The following DENND1B variants were observed in gnomAD, a reference collection of about 807,000 sequenced individuals.
DENND1B encodes DENN domain-containing protein 1B.
In DENND1B, 59 loss-of-function variants were observed where a neutral mutation model predicts 90.1. The ratio of observed to expected loss-of-function variants is 0.65; its 90% CI spans 0.53 to 0.81. DENND1B has a LOEUF of 0.81. DENND1B is among the 40% of genes least tolerant of loss of function. DENND1B has a pLI of 0.00. For synonymous variants in DENND1B, 337 were observed against 324.6 expected (o/e 1.04, Z -0.41); for missense variants, 862 against 912.6 (o/e 0.94, Z 0.71).
chr1:197,617,410 T>C (rs953331125), intron 11 of DENND1B, among the ~76,000 whole-genome samples: 7 of 151,128 alleles, frequency 4.6e-5, no homozygotes, highest in Admixed American at 6.6e-5. Context: ...CTATTTTGCA[T>C]TGAGTTATCT....
chr1:197,667,123 A>T (rs1365956511), intron 5 of DENND1B, among the ~76,000 whole-genome samples: 1 of 149,306 alleles, frequency 6.7e-6, no homozygotes, highest in Non-Finnish European at 1.5e-5. Context: ...GCAGAGCGAG[A>T]CTCCATCTCA....
chr1:197,616,899 A>G (rs1379731246), intron 11 of DENND1B, among the ~76,000 whole-genome samples: 1 of 151,048 alleles, frequency 6.6e-6, no homozygotes, highest in Non-Finnish European at 1.5e-5. Flanking sequence ...TGATTATGCA[A>G]TGAAGATAAC....
chr1:197,512,815 A>G, intron 21 of DENND1B, 56 bp downstream of exon 21: 1 of 1,539,738 alleles, frequency 6.5e-7, no homozygotes, highest in Non-Finnish European at 8.9e-7. Context: ...TTTATCACCA[A>G]AAACTTCTGC....
At chr1:197,763,854 C>G (rs1480481498) in intron 2 of DENND1B, among the ~76,000 whole-genome samples, 6 of 152,174 alleles carry the variant, frequency 3.9e-5, no homozygotes, top group Non-Finnish European at 7.3e-5. Flanking sequence ...ACTACTCTTA[C>G]AATTATTGAC....
intron 20 of DENND1B, among the ~76,000 whole-genome samples, chr1:197,524,445 A>G (rs1668997943): frequency 1.3e-5 from 2 of 152,136 alleles, no homozygotes; most frequent in South Asian, 4.1e-4. Context: ...AAGTTCACAT[A>G]CCATCCAAGC....
At chr1:197,629,394 G>A (rs1489608292) in intron 10 of DENND1B, among the ~76,000 whole-genome samples, 1 of 151,952 alleles carries the variant, frequency 6.6e-6, no homozygotes, top group Non-Finnish European at 1.5e-5. Flanking sequence ...GGATGAAACT[G>A]GAAATCATGA....
rs150094527 is a variant in DENND1B at position 197,678,801 on chromosome 1, C to T, written c.127-4632G>A. ...AATATGCAGTGTTTGGTTTTCTAGT[C>T]CTGTGTTAAGTTTTCTGAGGATGAT... On this transcript the variant is annotated intron_variant, in intron 3 of 22. Transcript: ENST00000620048. 4.2e-3 allele frequency among the ~76,000 whole-genome samples: 638 copies of T among 152,156 alleles called. 5 individuals carry two copies. The highest frequency in any genetic ancestry group is 0.015 in the African/African-American group (611 of 41,532).
rs1558432941 is a variant in DENND1B, at chr1:197,713,814, T to TA, written c.126+1216dup. ...AATATTATTATATTATAATATATTATATATAATATATTATATATAATATAT... is the reference window on the plus strand; with the variant it reads ...AATATTATTATATTATAATATATTATAATATAATATATTATATATAATATAT... On this transcript the variant is annotated intron_variant, in intron 3 of 22. Coordinates refer to ENST00000620048, the MANE Select transcript of DENND1B (RefSeq NM_001195215.2). Among the ~76,000 whole-genome samples, 38 of 51,704 alleles carry TA rather than the reference T, an allele frequency of 7.3e-4. 1 individual carries two copies. Among genetic ancestry groups the TA allele is most frequent in the African/African-American group, 3.2e-3 (38 of 11,728 alleles). The allele number at this position is 51,704 out of a possible 152,430, so 33.9% of individuals were successfully genotyped here. A position where few individuals can be genotyped will look rare whatever the true frequency, so the allele number is the denominator to read the frequency against.
At chr1:197,624,712 C>T (rs1379929149) in intron 10 of DENND1B, among the ~76,000 whole-genome samples, 1 of 151,916 alleles carries the variant, frequency 6.6e-6, no homozygotes, top group African/African-American at 2.4e-5. Flanking sequence ...GACGATCAAA[C>T]TACTCTGAGC....
intron 10 of DENND1B, among the ~76,000 whole-genome samples, chr1:197,623,396 C>A (rs1241500684): frequency 6.6e-6 from 1 of 151,218 alleles, no homozygotes; most frequent in Non-Finnish European, 1.5e-5. Context: ...AATTTATATT[C>A]ACATTTTAAA....
chr1:197,769,528 A>T (rs181924976), intron 2 of DENND1B, among the ~76,000 whole-genome samples: 4 of 152,316 alleles, frequency 2.6e-5, no homozygotes, highest in Admixed American at 6.5e-5. Flanking sequence ...TGACACCATT[A>T]CTGTGAGTGG....
intron 20 of DENND1B, among the ~76,000 whole-genome samples, chr1:197,517,061 A>G (rs1668449470): frequency 6.6e-6 from 1 of 151,678 alleles, no homozygotes; most frequent in African/African-American, 2.4e-5. Flanking sequence ...GCACCACTAC[A>G]CTCAGAGCTC....
chr1:197,539,992 C>T lies in DENND1B; in HGVS notation c.1487G>A (p.Gly496Glu). Residue 496 changes from glycine (G) to glutamate (E), a missense_variant, in exon 20 of 23, where the codon GGA becomes GAA. By Grantham distance (98) the Gly-to-Glu change is moderately conservative. Transcript: ENST00000620048. The stretch of plus-strand genomic sequence containing the variant: ...AGCAAGCTTACGCTTTTCTGAGTTT[C>T]CTCCCTTTTCATTGTGTAATTTGTA... Reference protein sequence around the residue: ...PVYKLHNEKGGNSEKRKLAQA... With the variant: ...PVYKLHNEKGENSEKRKLAQA... The T allele has an allele frequency of 6.2e-7, 1 of 1,613,248 alleles. No individual in the cohort carries two copies. Among genetic ancestry groups the T allele is most frequent in the Non-Finnish European group, 8.5e-7 (1 of 1,179,498 alleles).
intron 20 of DENND1B, among the ~76,000 whole-genome samples, chr1:197,536,190 G>GAGATA (rs1308242408): frequency 6.8e-6 from 1 of 147,674 alleles, no homozygotes; most frequent in South Asian, 2.2e-4. Flanking sequence ...GAGATGAGAT[G>GAGATA]ACATGAGATG....
At chr1:197,542,440 GATAGGAAA>G (rs1670403824) in intron 18 of DENND1B, among the ~76,000 whole-genome samples, 1 of 152,154 alleles carries the variant, frequency 6.6e-6, no homozygotes, top group Non-Finnish European at 1.5e-5. Context: ...AGAGCAAAGT[GATAGGAAA>G]ACAAATATAA....
chr1:197,642,738 G>A lies in DENND1B; in HGVS notation c.645C>T (p.Ile215=), dbSNP rs200269966. 1.6e-4 allele frequency: 253 copies of A among 1,613,278 alleles called. No homozygotes were observed. The highest frequency in any genetic ancestry group is 8.2e-4 in the Middle Eastern group (5 of 6,080). Residue 215 remains isoleucine (I), a synonymous_variant, in exon 10 of 23, where the codon ATC becomes ATT. Transcript: ENST00000620048. ...TGCTTAATTTGCTCGAGATAATCAC[G>A]ATGCGCCTTTCATGCAGCATACTGG... The part of the protein sequence containing the change: ...LYASMLHERR[I]VIISSKLSTL...
chr1:197,544,043 A>G (rs1281184960), intron 18 of DENND1B, among the ~76,000 whole-genome samples: 1 of 152,198 alleles, frequency 6.6e-6, no homozygotes. Context: ...AATTTATTGA[A>G]CACAACACAC....
chr1:197,556,926 A>G (rs190628733), intron 15 of DENND1B, among the ~76,000 whole-genome samples: 1 of 151,946 alleles, frequency 6.6e-6, no homozygotes, highest in African/African-American at 2.4e-5. Context: ...TACCTGGCAA[A>G]ATACCTGCCA....
rs186609005 is a variant in DENND1B at position 197,614,075 on chromosome 1, G to A, written c.774-2099C>T. Among the ~76,000 whole-genome samples, 9 of 147,386 alleles carry A rather than the reference G, an allele frequency of 6.1e-5. No individual in the cohort carries two copies. In the East Asian group the frequency reaches 1.8e-3, roughly 29 times the overall value. On this transcript the variant is annotated intron_variant, in intron 11 of 22. Transcript: ENST00000620048. The stretch of plus-strand genomic sequence containing the variant: ...AGACGGAGTCTCGCTCTTTCGCCCA[G>A]GCAAAAACATTTTAAACTTTATGGA...
Sources: gnomAD v4.1 joint callset for allele counts (sites outside exome capture counted in the v4.1 genomes callset) on GRCh38, gnomAD v4.1.1 for gene constraint, MANE v1.5 for transcripts, NCBI Gene and HGNC (gene_info 2026-07-23, HGNC 2026-07-21) for gene names.